Variants in ST7L observed in about 807,000 individuals in gnomAD.
The protein encoded by ST7L is suppressor of tumorigenicity 7 protein-like.
In ST7L, 57 loss-of-function variants were observed where a neutral mutation model predicts 72.5. The ratio of observed to expected loss-of-function variants is 0.79; its 90% CI spans 0.64 to 0.98. The LOEUF (loss-of-function observed/expected upper bound fraction) is 0.98. ST7L is among the 50% of genes least tolerant of loss of function. ST7L has a pLI of 0.00. For missense variants in ST7L, 576 were observed against 672.2 expected, an observed-to-expected ratio of 0.86 and a Z score of 1.58; for synonymous variants, 221 against 240.9, an observed-to-expected ratio of 0.92 and a Z score of 0.77.
At chr1:112,596,677 G>A (rs6701461) in intron 5 of ST7L, among the ~76,000 whole-genome samples, 2,949 of 151,222 alleles carry the variant, frequency 0.02, 98 homozygotes, top group African/African-American at 0.067. Flanking sequence ...TCACTCTGTC[G>A]CCTAGGCTAG....
intron 3 of ST7L, among the ~76,000 whole-genome samples, chr1:112,605,572 C>A (rs2100984912): frequency 6.9e-6 from 1 of 144,110 alleles, no homozygotes; most frequent in African/African-American, 2.5e-5. Context: ...TGCCTGTAAT[C>A]CCAGCTACTC....
rs1054139711 is a variant in ST7L, at chr1:112,535,237, G to A, written c.1629+6714C>T. 3.9e-5 allele frequency among the ~76,000 whole-genome samples: 6 copies of A among 152,006 alleles called. No individual in the cohort carries two copies. The South Asian group carries it at 8.3e-4, about 21-fold the overall frequency. ...AAAATACAAAAATTAGCCAGGCATG[G>A]TGGTACATATTGTAGTCCCAACTAC... On this transcript the variant is annotated intron_variant, in intron 14 of 14. Transcript: ENST00000358039.
chr1:112,586,823 A>C (rs560306556), intron 6 of ST7L, among the ~76,000 whole-genome samples: 1 of 152,298 alleles, frequency 6.6e-6, no homozygotes, highest in South Asian at 2.1e-4. Context: ...CAATTCAATA[A>C]TTTTTAATAT....
intron 2 of ST7L, among the ~76,000 whole-genome samples, chr1:112,614,657 A>C (rs920625785): frequency 9.2e-5 from 14 of 152,186 alleles, no homozygotes; most frequent in African/African-American, 3.4e-4. Flanking sequence ...GAGATAAAAA[A>C]AAGAACAGGC....
At chr1:112,570,520 T>C (rs1232855907) in intron 11 of ST7L, among the ~76,000 whole-genome samples, 1 of 145,374 alleles carries the variant, frequency 6.9e-6, no homozygotes, top group Non-Finnish European at 1.5e-5. Context: ...ACCATTTGTA[T>C]AATAAATTTG....
At chr1:112,580,395 C>T (rs1199706634) in intron 9 of ST7L, among the ~76,000 whole-genome samples, 1 of 152,172 alleles carries the variant, frequency 6.6e-6, no homozygotes, top group East Asian at 1.9e-4. Context: ...TCAAGCAATC[C>T]ACCCGCTTCA....
intron 7 of ST7L, among the ~76,000 whole-genome samples, chr1:112,582,744 G>C (rs751522638): frequency 9.2e-5 from 14 of 152,080 alleles, no homozygotes; most frequent in Non-Finnish European, 1.6e-4. Context: ...CTTAAGTACA[G>C]TATATATAAT....
At chr1:112,564,686 G>A (rs937297576) in intron 11 of ST7L, among the ~76,000 whole-genome samples, 135 of 151,836 alleles carry the variant, frequency 8.9e-4, no homozygotes, top group Non-Finnish European at 1.5e-3. Flanking sequence ...GTGTGGTGGC[G>A]GGTGCCTATA....
At chr1:112,536,826 A>C (rs903903791) in intron 14 of ST7L, among the ~76,000 whole-genome samples, 2 of 152,182 alleles carry the variant, frequency 1.3e-5, no homozygotes, top group African/African-American at 4.8e-5. Flanking sequence ...AACAAAGCCC[A>C]TTCCCACCGC....
intron 14 of ST7L, among the ~76,000 whole-genome samples, chr1:112,539,526 C>T (rs935083501): frequency 5.3e-5 from 8 of 151,956 alleles, no homozygotes; most frequent in African/African-American, 1.4e-4. Flanking sequence ...CGTTGTGGCA[C>T]GTGCCTGTAG....
the ST7L span, chr1:112,518,299 A>G: frequency 6.6e-6 from 1 of 152,170 alleles, no homozygotes; most frequent in Non-Finnish European, 1.5e-5. Flanking sequence ...TCCTCTGGTT[A>G]TTGCTGTGGG....
At chr1:112,594,209 A>G (rs1390841994) in intron 5 of ST7L, among the ~76,000 whole-genome samples, 6 of 74,710 alleles carry the variant, frequency 8.0e-5, no homozygotes, top group Non-Finnish European at 1.2e-4. Context: ...TATTTTACAG[A>G]AAAAAAAAAA....
At chr1:112,617,105 T>G in intron 1 of ST7L, 1 of 350,426 alleles carries the variant, frequency 2.9e-6, no homozygotes, top group South Asian at 5.1e-5. Flanking sequence ...TTCAGCTTGC[T>G]TTGGAGAATA....
At chr1:112,599,459 C>T (rs1433234789) in intron 4 of ST7L, among the ~76,000 whole-genome samples, 7 of 151,994 alleles carry the variant, frequency 4.6e-5, no homozygotes, top group African/African-American at 7.3e-5. Context: ...ATAACATGCC[C>T]CATTCTACTT....
rs780180322 is a variant in ST7L, at chr1:112,591,518, A to G, written c.701+7T>C. 7 of 1,602,966 alleles carry G rather than the reference A, an allele frequency of 4.4e-6. No homozygotes were observed. The highest frequency in any genetic ancestry group is 4.4e-4 in the Middle Eastern group (2 of 4,512). On this transcript the variant is annotated splice_region_variant and intron_variant, in intron 6 of 14. Transcript: ENST00000358039. ...ATAAATTTATTTTCCATATATTTCA[A>G]ACTTACTCATTGTTTAATTCTAAAG... is the stretch of plus-strand genomic sequence containing the variant.
rs928170826 is a variant in ST7L, at chr1:112,526,283, A to G, written c.1630-172T>C. On this transcript the variant is annotated intron_variant, in intron 14 of 14. Transcript: ENST00000358039. ...CTATTACCACCAGTACCATGTGACC[A>G]CTATACAACATATTCCACATTTAAA... 7 of 717,122 alleles carry G rather than the reference A, an allele frequency of 9.8e-6. No homozygotes were observed. The African/African-American group carries it at 1.2e-4, about 13-fold the overall frequency. The allele number at this position is 717,122 out of a possible 1,614,324, so 44.4% of individuals were successfully genotyped here. A position where few individuals can be genotyped will look rare whatever the true frequency, so the allele number is the denominator to read the frequency against.
chr1:112,556,063 G>A (rs1570992681), intron 11 of ST7L, 45 bp from the exon 12 acceptor site: 3 of 1,330,522 alleles, frequency 2.3e-6, no homozygotes, highest in South Asian at 2.4e-5. Flanking sequence ...ACAGAAAAAA[G>A]AAAAATTAAA....
At chr1:112,527,601 T>A (rs1653668593) in intron 14 of ST7L, 1 of 152,674 alleles carries the variant, frequency 6.5e-6, no homozygotes, top group South Asian at 2.1e-4. Flanking sequence ...AATGAGCTGC[T>A]GATGACAGCA....
chr1:112,549,376 G>A (rs955534235), intron 13 of ST7L, among the ~76,000 whole-genome samples: 2 of 152,138 alleles, frequency 1.3e-5, no homozygotes, highest in Non-Finnish European at 2.9e-5. Context: ...CTGGGTGAGA[G>A]TGAGAATTGG....
Sources: gnomAD v4.1 joint callset for allele counts (sites outside exome capture counted in the v4.1 genomes callset) on GRCh38, gnomAD v4.1.1 for gene constraint, MANE v1.5 for transcripts, NCBI Gene and HGNC (gene_info 2026-07-23, HGNC 2026-07-21) for gene names.